Variants in DNAJC15 observed in about 807,000 individuals in gnomAD.
DNAJC15 encodes DnaJ heat shock protein family (Hsp40) member C15, also known as dnaJ homolog subfamily C member 15.
Under a neutral mutation model 22.4 loss-of-function variants are expected in DNAJC15, and 27 were observed. The observed-to-expected ratio is 1.20, with a 90% CI of 0.89 to 1.66. The LOEUF (loss-of-function observed/expected upper bound fraction) is 1.66. Among genes scored for constraint, DNAJC15 ranks in the 40% most tolerant of loss-of-function variants. The pLI, the probability that DNAJC15 is intolerant of heterozygous loss-of-function variation, is 0.00. For missense variants in DNAJC15, 208 were observed against 187.1 expected (o/e 1.11, Z -0.65); for synonymous variants, 79 against 63.2 (o/e 1.25, Z -1.19).
At position 43,108,347 on chromosome 13, in the gene DNAJC15, C is replaced by T. The variant is rs1221030123; in HGVS notation, c.*1099C>T. 1.3e-5 allele frequency: 2 copies of T among 152,114 alleles called. No individual in the cohort carries two copies. The highest frequency in any genetic ancestry group is 2.9e-5 in the Non-Finnish European group (2 of 67,998). The allele number at this position is 152,114 out of a possible 1,614,324, so 9.4% of individuals were successfully genotyped here. A position where few individuals can be genotyped will look rare whatever the true frequency, so the allele number is the denominator to read the frequency against. On this transcript the variant is annotated 3_prime_UTR_variant, in exon 6 of 6. Transcript: ENST00000379221. ...GTTTGGACAGAGTGGTCATCAAAGG[C>T]CAGCCCTGTGACTTACACTGCATTA... is the stretch of plus-strand genomic sequence containing the variant.
At chr13:43,072,116 G>C (rs1277204727) in intron 3 of DNAJC15, among the ~76,000 whole-genome samples, 4 of 152,066 alleles carry the variant, frequency 2.6e-5, no homozygotes, top group African/African-American at 9.7e-5. Flanking sequence ...TTATTCCATT[G>C]TAGACAACCT....
intron 1 of DNAJC15, among the ~76,000 whole-genome samples, chr13:43,037,152 A>T (rs1244784772): frequency 2.0e-5 from 3 of 152,204 alleles, no homozygotes; most frequent in Non-Finnish European, 4.4e-5. Flanking sequence ...GCCGCTCCAG[A>T]CGGGCCGTAG....
rs2040813639 is a variant in DNAJC15, at chr13:43,109,295, G to C, written c.*2047G>C. 6.6e-6 allele frequency: 1 copy of C among 152,126 alleles called. No homozygotes were observed. Among genetic ancestry groups the C allele is most frequent in the Non-Finnish European group, 1.5e-5 (1 of 68,016 alleles). The allele number at this position is 152,126 out of a possible 1,614,324, so 9.4% of individuals were successfully genotyped here. On this transcript the variant is annotated 3_prime_UTR_variant, in exon 6 of 6. Coordinates refer to ENST00000379221, the MANE Select transcript of DNAJC15 (RefSeq NM_013238.3). The stretch of plus-strand genomic sequence containing the variant: ...TCATACTAAAATGCAAGAACCTTTA[G>C]AGCAAGGATCTTGCCATTCATCTTT...
intron 4 of DNAJC15, among the ~76,000 whole-genome samples, chr13:43,084,132 C>T (rs1418999207): frequency 1.3e-5 from 2 of 152,070 alleles, no homozygotes; most frequent in African/African-American, 4.8e-5. Flanking sequence ...CATTCTAGGT[C>T]CATTTAGTAG....
intron 3 of DNAJC15, among the ~76,000 whole-genome samples, chr13:43,075,278 A>AG (rs2153441218): frequency 6.6e-6 from 1 of 152,290 alleles, no homozygotes; most frequent in East Asian, 1.9e-4. Flanking sequence ...CCTTTTCTGA[A>AG]ACTCTATGTC....
intron 4 of DNAJC15, among the ~76,000 whole-genome samples, chr13:43,083,509 G>A (rs1294468214): frequency 2.0e-5 from 3 of 152,098 alleles, no homozygotes; most frequent in Non-Finnish European, 4.4e-5. Flanking sequence ...CATAGTTTCA[G>A]CCCTAAAGTT....
At chr13:43,073,416 T>A (rs1013114865) in intron 3 of DNAJC15, among the ~76,000 whole-genome samples, 2 of 152,168 alleles carry the variant, frequency 1.3e-5, no homozygotes, top group African/African-American at 4.8e-5. Flanking sequence ...TTGGTTCTCT[T>A]AGTACCTACC....
chr13:43,076,124 CA>C (rs1377446924), intron 3 of DNAJC15, among the ~76,000 whole-genome samples: 2 of 152,110 alleles, frequency 1.3e-5, no homozygotes, highest in African/African-American at 4.8e-5. Flanking sequence ...AAACTTGTGT[CA>C]GGGGTGGGGG....
Position 43,040,960 on chromosome 13 carries a change from A to G in DNAJC15, c.108+17226A>G, listed in dbSNP as rs192446821. ...TTCCCCATCTCAGTAGATGGAACAT[A>G]CAATCTGGTTTTATACTGAGACATT... is the stretch of plus-strand genomic sequence containing the variant. On this transcript the variant is annotated intron_variant, in intron 1 of 5. Transcript: ENST00000379221. Among the ~76,000 whole-genome samples, 4 of 152,344 alleles carry G rather than the reference A, an allele frequency of 2.6e-5. No individual in the cohort carries two copies. The East Asian group carries it at 7.7e-4, about 29-fold the overall frequency.
chr13:43,056,234 C>T (rs57751923), intron 1 of DNAJC15, among the ~76,000 whole-genome samples: 6,390 of 151,976 alleles, frequency 0.042, 472 homozygotes, highest in African/African-American at 0.15. Flanking sequence ...TCACTGCAAC[C>T]TCCACCTCCT....
chr13:43,062,490 A>G (rs1037269032), intron 1 of DNAJC15, among the ~76,000 whole-genome samples: 9 of 152,216 alleles, frequency 5.9e-5, no homozygotes, highest in Non-Finnish European at 1.0e-4. Flanking sequence ...ACAAATGGAA[A>G]TAATCAACAG....
chr13:43,102,475 A>G (rs527489829), intron 5 of DNAJC15, among the ~76,000 whole-genome samples: 107 of 152,182 alleles, frequency 7.0e-4, no homozygotes, highest in African/African-American at 2.5e-3. Flanking sequence ...ACTTATTGAC[A>G]TGATTATGTA....
At chr13:43,072,486 A>G (rs2040613546) in intron 3 of DNAJC15, among the ~76,000 whole-genome samples, 1 of 151,792 alleles carries the variant, frequency 6.6e-6, no homozygotes, top group South Asian at 2.1e-4. Context: ...TCTTCATTCT[A>G]CAGTATTTTC....
chr13:43,052,743 T>C (rs1484049292), intron 1 of DNAJC15, among the ~76,000 whole-genome samples: 1 of 152,124 alleles, frequency 6.6e-6, no homozygotes. Flanking sequence ...ATGGCATTAT[T>C]TGTTTTTTTC....
chr13:43,023,815 A>T, intron 1 of DNAJC15, 81 bp downstream of exon 1: 1 of 1,316,340 alleles, frequency 7.6e-7, no homozygotes, highest in Non-Finnish European at 1.1e-6. Context: ...CTCACCCTTG[A>T]ACCTTTGTAC....
At chr13:43,064,459 C>A (rs1290931576) in intron 1 of DNAJC15, among the ~76,000 whole-genome samples, 3 of 152,140 alleles carry the variant, frequency 2.0e-5, no homozygotes, top group African/African-American at 7.2e-5. Flanking sequence ...TCATTCTGTT[C>A]CCTAGGGAGA....
chr13:43,025,068 A>C (rs906527227), intron 1 of DNAJC15, among the ~76,000 whole-genome samples: 2 of 150,664 alleles, frequency 1.3e-5, no homozygotes, highest in African/African-American at 4.9e-5. Flanking sequence ...TCCAACAAAG[A>C]AAAAAAAATG....
At chr13:43,039,931 A>G (rs2040445359) in intron 1 of DNAJC15, among the ~76,000 whole-genome samples, 1 of 152,162 alleles carries the variant, frequency 6.6e-6, no homozygotes, top group South Asian at 2.1e-4. Context: ...AGACAGGAGA[A>G]TTGGTTGTAC....
At chr13:43,051,247 G>T (rs939583619) in intron 1 of DNAJC15, among the ~76,000 whole-genome samples, 1 of 152,128 alleles carries the variant, frequency 6.6e-6, no homozygotes, top group African/African-American at 2.4e-5. Flanking sequence ...CAAGGTGCTG[G>T]GATTACAGGC....
Sources: allele counts gnomAD v4.1 joint callset (sites outside exome capture counted in the v4.1 genomes callset), GRCh38; gene constraint gnomAD v4.1.1; transcripts MANE v1.5; gene names NCBI Gene and HGNC (gene_info 2026-07-23, HGNC 2026-07-21).